The following DPYD variants were observed in gnomAD, a reference collection of about 807,000 sequenced individuals.
DPYD encodes the protein dihydropyrimidine dehydrogenase.
DPYD carries 109 observed loss-of-function variants against 116.2 expected under a neutral mutation model. The observed-to-expected ratio is 0.94, with a 90% CI of 0.80 to 1.10. The LOEUF is 1.10. Among genes scored for constraint, DPYD ranks in the 50% least tolerant of loss-of-function variants. The pLI, the probability that DPYD is intolerant of heterozygous loss-of-function variation, is 0.00. For missense variants in DPYD, 1,302 were observed against 1,254.5 expected (o/e 1.04, Z -0.57); for synonymous variants, 440 against 432.0 (o/e 1.02, Z -0.23).
intron 20 of DPYD, among the ~76,000 whole-genome samples, chr1:97,149,416 C>T (rs1360200630): frequency 1.3e-5 from 2 of 152,108 alleles, no homozygotes; most frequent in South Asian, 2.1e-4. Context: ...CCACGCCCAG[C>T]TAATTTTTGT....
At chr1:97,134,914 C>G (rs1366530478) in intron 20 of DPYD, among the ~76,000 whole-genome samples, 1 of 152,074 alleles carries the variant, frequency 6.6e-6, no homozygotes, top group Non-Finnish European at 1.5e-5. Context: ...AGAAAAAGAT[C>G]TGATAAAATA....
chr1:97,727,272 A>G (rs995496721), intron 4 of DPYD, among the ~76,000 whole-genome samples: 2 of 151,738 alleles, frequency 1.3e-5, no homozygotes, highest in African/African-American at 4.8e-5. Context: ...CTTGATTGAT[A>G]TGAGTAAATA....
intron 8 of DPYD, among the ~76,000 whole-genome samples, chr1:97,639,510 A>T (rs954938505): frequency 3.9e-5 from 6 of 152,104 alleles, no homozygotes; most frequent in Admixed American, 3.3e-4. Context: ...TGGAAAAAAA[A>T]TGTAAGCACT....
chr1:97,714,892 T>C (rs1662523739), intron 5 of DPYD, among the ~76,000 whole-genome samples: 1 of 152,128 alleles, frequency 6.6e-6, no homozygotes, highest in African/African-American at 2.4e-5. Context: ...AAGTAAGAGT[T>C]TGTGAAATAA....
chr1:97,896,436 T>C (rs1673075168), intron 1 of DPYD, among the ~76,000 whole-genome samples: 1 of 151,866 alleles, frequency 6.6e-6, no homozygotes, highest in African/African-American at 2.4e-5. Flanking sequence ...ATGTGCATGT[T>C]ACCCAACATT....
At chr1:97,706,118 AAT>A (rs1026938764) in intron 5 of DPYD, among the ~76,000 whole-genome samples, 8 of 151,852 alleles carry the variant, frequency 5.3e-5, no homozygotes, top group Non-Finnish European at 8.8e-5. Flanking sequence ...ACCCACTTAG[AAT>A]ATGTTATATT....
chr1:97,750,824 A>G (rs1481711475), intron 3 of DPYD, among the ~76,000 whole-genome samples: 1 of 152,174 alleles, frequency 6.6e-6, no homozygotes, highest in African/African-American at 2.4e-5. Context: ...ATTTGTCTAT[A>G]TGGAGGGCCA....
chr1:97,415,791 G>C lies in DPYD; in HGVS notation c.1906-33330C>G, dbSNP rs559789929. 3.3e-5 allele frequency among the ~76,000 whole-genome samples: 5 copies of C among 152,262 alleles called. No individual in the cohort carries two copies. In the South Asian group the frequency reaches 1.0e-3, roughly 32 times the overall value. ...AAGATTGTGGTACACTAACAGGTAT[G>C]TTTACTCCTATAGCATGTGCAGCTT... On this transcript the variant is annotated intron_variant, in intron 14 of 22. Transcript: ENST00000370192.
chr1:97,484,715 T>A (rs1016594995), intron 13 of DPYD, among the ~76,000 whole-genome samples: 3 of 152,230 alleles, frequency 2.0e-5, no homozygotes, highest in African/African-American at 7.2e-5. Context: ...TTCTGAAAGA[T>A]GTTCACAACT....
At chr1:97,920,379 A>T (rs1260442040) in intron 1 of DPYD, among the ~76,000 whole-genome samples, 1 of 152,168 alleles carries the variant, frequency 6.6e-6, no homozygotes, top group African/African-American at 2.4e-5. Flanking sequence ...CATAAACAAT[A>T]CTATGACTAG....
intron 14 of DPYD, among the ~76,000 whole-genome samples, chr1:97,424,638 T>G (rs529296135): frequency 6.6e-6 from 1 of 152,256 alleles, no homozygotes; most frequent in East Asian, 1.9e-4. Context: ...TTGGGCTCAC[T>G]AATTCTTATA....
At chr1:97,746,128 G>A (rs1011967522) in intron 3 of DPYD, among the ~76,000 whole-genome samples, 4 of 152,172 alleles carry the variant, frequency 2.6e-5, no homozygotes, top group Admixed American at 2.0e-4. Flanking sequence ...TAGTCATTGA[G>A]GCACTATGAC....
chr1:97,718,446 G>C (rs1662737918), intron 5 of DPYD, among the ~76,000 whole-genome samples: 1 of 151,762 alleles, frequency 6.6e-6, no homozygotes, highest in Admixed American at 6.6e-5. Context: ...ACAGATATCA[G>C]AAAAATCTTA....
chr1:97,127,596 C>A (rs1158373328), intron 20 of DPYD, among the ~76,000 whole-genome samples: 1 of 152,122 alleles, frequency 6.6e-6, no homozygotes, highest in African/African-American at 2.4e-5. Context: ...TATTCATCAA[C>A]TCATTTTCCC....
Position 97,079,088 on chromosome 1 carries a change from C to G in DPYD, c.2966G>C (p.Cys989Ser), listed in dbSNP as rs1164024130. ...LPTITDTCTG[C>S]TLCLSVCPIV... ...AGGGCAAACACTGAGACACAGAGTA[C>G]AGCCTGTACAAGTGTCGGTTATGGT... The change falls in exon 23 of 23, where the codon TGT (cysteine) becomes TCT (serine). Residue 989 changes from cysteine to serine, a missense_variant. Transcript: ENST00000370192. 3 of 1,613,762 alleles carry G rather than the reference C, an allele frequency of 1.9e-6. No individual in the cohort carries two copies. Among genetic ancestry groups the G allele is most frequent in the Non-Finnish European group, 2.5e-6 (3 of 1,179,748 alleles).
chr1:97,277,335 T>C (rs1478823022), intron 18 of DPYD, among the ~76,000 whole-genome samples: 1 of 151,200 alleles, frequency 6.6e-6, no homozygotes, highest in East Asian at 1.9e-4. Context: ...GTAACAGACC[T>C]GCACGTGTAC....
chr1:97,234,918 A>T lies in DPYD; in HGVS notation c.2376T>A (p.Ala792=). ...TTTCAGCAGAGTCAATTCCACCAGT[A>T]GCCAAAATGGGAAATCCAGGCAGAG... ...ARALPGFPIL[A]TGGIDSAESG... The change falls in exon 19 of 23, where the codon GCT becomes GCA. Residue 792 remains alanine, a synonymous_variant. Transcript: ENST00000370192. 1 of 1,614,130 alleles carries T rather than the reference A, an allele frequency of 6.2e-7. No homozygotes were observed. The highest frequency in any genetic ancestry group is 8.5e-7 in the Non-Finnish European group (1 of 1,180,000).
intron 20 of DPYD, among the ~76,000 whole-genome samples, chr1:97,157,527 C>T (rs992526193): frequency 1.3e-5 from 2 of 152,094 alleles, no homozygotes; most frequent in Admixed American, 6.6e-5. Context: ...ATGGAGTTTC[C>T]TATTATTAAG....
intron 3 of DPYD, among the ~76,000 whole-genome samples, chr1:97,758,364 A>G (rs1303474409): frequency 1.3e-5 from 2 of 151,740 alleles, no homozygotes; most frequent in Non-Finnish European, 2.9e-5. Context: ...TGAGAGCAAA[A>G]AAAAAAAAAA....
Sources: allele counts gnomAD v4.1 joint callset (sites outside exome capture counted in the v4.1 genomes callset), GRCh38; gene constraint gnomAD v4.1.1; transcripts MANE v1.5; gene names NCBI Gene and HGNC (gene_info 2026-07-23, HGNC 2026-07-21).